Variants in USP19 observed in about 807,000 individuals in gnomAD.
USP19 encodes the protein ubiquitin specific peptidase 19.
Under a neutral mutation model 144.8 loss-of-function variants are expected in USP19, and 40 were observed. The observed-to-expected ratio is 0.28, with a 90% confidence interval of 0.21 to 0.36. The LOEUF is 0.36. Among genes scored for constraint, USP19 ranks in the 10% least tolerant of loss-of-function variants. The pLI is 1.00. For missense variants in USP19, 1,518 were observed against 1,822.5 expected, an observed-to-expected ratio of 0.83 and a Z score of 3.04; for synonymous variants, 701 against 709.3, an observed-to-expected ratio of 0.99 and a Z score of 0.19.
In USP19 at chr3:49,112,235, C is replaced by T. The variant is rs1378232742; in HGVS notation, c.2765+49G>A. ...GGTGTGAAGGGAAGGAGCAGGGTGG[C>T]ACATGGAAGGTGGAAAGAAAGGGTA... On this transcript the variant is annotated intron_variant, in intron 19 of 26. Coordinates refer to ENST00000417901, the MANE Select transcript of USP19 (RefSeq NM_001199161.2). The surrounding 1 kb of genome is among the most constrained non-coding windows in gnomAD (Gnocchi z 4.9). The T allele has an allele frequency of 1.7e-5, 27 of 1,568,658 alleles. No homozygotes were observed. The highest frequency in any genetic ancestry group is 2.2e-5 in the Non-Finnish European group (26 of 1,157,066).
chr3:49,111,530 G>A lies in USP19; in HGVS notation c.3187C>T (p.Pro1063Ser). 1 of 1,612,028 alleles carries A rather than the reference G, an allele frequency of 6.2e-7. No individual in the cohort carries two copies. ...GGTCGGGACACCCTCTCGCCAGCTGGCAAGGAGCCAACCTCAATGGGCCCA... is the reference window on the plus strand; with the variant it reads ...GGTCGGGACACCCTCTCGCCAGCTGACAAGGAGCCAACCTCAATGGGCCCA... ...ASGPIEVGSL[P>S]AGERVSRPEA... Residue 1063 changes from proline (P) to serine (S), a missense_variant, in exon 21 of 27, where the codon CCA becomes TCA. This residue lies in a region of USP19 where 413 missense variants were observed against 515.8 expected (regional missense o/e 0.80). Transcript: ENST00000417901. This position sits in a 1 kb window ranked among gnomAD's most constrained non-coding sequence, Gnocchi z 5.9.
chr3:49,108,653 G>T lies in USP19; in HGVS notation c.4039-125C>A. 1 of 1,281,786 alleles carries T rather than the reference G, an allele frequency of 7.8e-7. No individual in the cohort carries two copies. Among genetic ancestry groups the T allele is most frequent in the South Asian group, 2.5e-5 (1 of 40,206 alleles). The allele number at this position is 1,281,786 out of a possible 1,614,324, so 79.4% of individuals were successfully genotyped here. A position where few individuals can be genotyped will look rare whatever the true frequency, so the allele number is the denominator to read the frequency against. ...CAAGGCAGGCGCAGACAGCAGCGGC[G>T]TTGAGACAGAGAGACGAGATTGGGC... On this transcript the variant is annotated intron_variant, in intron 26 of 26. Coordinates refer to ENST00000417901, the MANE Select transcript of USP19 (RefSeq NM_001199161.2). This position sits in a 1 kb window ranked among gnomAD's most constrained non-coding sequence, Gnocchi z 4.8.
In USP19 at chr3:49,108,778, A is replaced by C. The variant is rs543648929; in HGVS notation, c.4039-250T>G. ...TCAGAGCAGCAGGATGAATGGACAG[A>C]CAGCCAGATGGATACACACCCTAGG... On this transcript the variant is annotated intron_variant, in intron 26 of 26. Transcript: ENST00000417901. This position sits in a 1 kb window ranked among gnomAD's most constrained non-coding sequence, Gnocchi z 4.8. The C allele has an allele frequency of 1.5e-4, 216 of 1,409,740 alleles. 1 individual carries two copies. The highest frequency in any genetic ancestry group is 3.7e-4 in the South Asian group (23 of 61,620). 87.3% of individuals were successfully genotyped at this position (1,409,740 alleles called of 1,614,324 possible). A position where few individuals can be genotyped will look rare whatever the true frequency, so the allele number is the denominator to read the frequency against.
Position 49,115,749 on chromosome 3 carries a change from G to A in USP19, c.1667C>T (p.Pro556Leu). 6.2e-7 allele frequency: 1 copy of A among 1,612,290 alleles called. No homozygotes were observed. The highest frequency in any genetic ancestry group is 8.5e-7 in the Non-Finnish European group (1 of 1,178,674). Residue 556 changes from proline to leucine, a missense_variant, in exon 11 of 27, where the codon CCA becomes CTA. Coordinates refer to ENST00000417901, the MANE Select transcript of USP19 (RefSeq NM_001199161.2). This position sits in a 1 kb window ranked among gnomAD's most constrained non-coding sequence, Gnocchi z 6.6. Reference protein sequence around the residue: ...ATRTPMEHVTPKPETHLASPK... With the variant: ...ATRTPMEHVTLKPETHLASPK... ...CGAGGCCAGGTGTGTCTCTGGCTTT[G>A]GGGTTACATGCTCCATGGGTGTGCG... is the stretch of plus-strand genomic sequence containing the variant.
chr3:49,109,197 G>A, intron 26 of USP19: 1 of 1,460,282 alleles, frequency 6.8e-7, no homozygotes, highest in Non-Finnish European at 9.0e-7. Flanking sequence ...TAGGGTATGT[G>A]GAAACGGCCA....
chr3:49,120,714 C>G (rs2045108094), intron 1 of USP19, 42 bp downstream of exon 1: 1 of 188,744 alleles, frequency 5.3e-6, no homozygotes, highest in Admixed American at 5.8e-5. Flanking sequence ...TGCGGCCTCC[C>G]CGCTGCGGCC....
chr3:49,109,220 G>T, intron 26 of USP19: 17 of 1,453,570 alleles, frequency 1.2e-5, no homozygotes, highest in Admixed American at 2.9e-5. Flanking sequence ...AGCACCCCGG[G>T]GGTGGGGAGG....
chr3:49,118,992 C>T lies in USP19; in HGVS notation c.124+30G>A, dbSNP rs1429167241. Reference sequence around the variant, plus strand: ...CCAATAAGATGGGAGGCAGAGAAGGCCACAATTACTCTGGGAATGCCACTC... The same window carrying T: ...CCAATAAGATGGGAGGCAGAGAAGGTCACAATTACTCTGGGAATGCCACTC... On this transcript the variant is annotated intron_variant, in intron 2 of 26. Coordinates refer to ENST00000417901, the MANE Select transcript of USP19 (RefSeq NM_001199161.2). 3.1e-6 allele frequency: 5 copies of T among 1,613,456 alleles called. No individual in the cohort carries two copies. The East Asian group carries it at 1.1e-4, about 36-fold the overall frequency.
chr3:49,108,498 C>A lies in USP19; in HGVS notation c.4069G>T (p.Ala1357Ser). Residue 1357 changes from alanine to serine, a missense_variant, in exon 27 of 27, where the codon GCC becomes TCC. By Grantham distance (99) the Ala-to-Ser change is moderately conservative. Coordinates refer to ENST00000417901, the MANE Select transcript of USP19 (RefSeq NM_001199161.2). This position sits in a 1 kb window ranked among gnomAD's most constrained non-coding sequence, Gnocchi z 4.8. ...GLGPGQAPEV[A>S]PTRTAPERFA... The stretch of plus-strand genomic sequence containing the variant: ...CGTTCAGGGGCTGTCCGCGTGGGGG[C>A]CACCTCGGGGGCCTGGCCAGGGCCT... 1 of 1,257,752 alleles carries A rather than the reference C, an allele frequency of 8.0e-7. No individual in the cohort carries two copies. The highest frequency in any genetic ancestry group is 1.0e-6 in the Non-Finnish European group (1 of 974,918). 77.9% of individuals were successfully genotyped at this position (1,257,752 alleles called of 1,614,324 possible). A position where few individuals can be genotyped will look rare whatever the true frequency, so the allele number is the denominator to read the frequency against.
chr3:49,119,863 T>C (rs1010851748), intron 1 of USP19, among the ~76,000 whole-genome samples: 8 of 152,126 alleles, frequency 5.3e-5, no homozygotes, highest in Admixed American at 5.2e-4. Context: ...TTGGTCCTTC[T>C]TCATTTCAAG....
chr3:49,116,350 C>A lies in USP19; in HGVS notation c.1285G>T (p.Asp429Tyr), dbSNP rs1308581613. 9.3e-6 allele frequency: 15 copies of A among 1,614,062 alleles called. No homozygotes were observed. The highest frequency in any genetic ancestry group is 1.3e-5 in the Non-Finnish European group (15 of 1,180,026). ...GGGTGCAGCCTCAGGAAGTTTCCAT[C>A]CCTGCAGAGGCACAGCAGGATAGGA... ...QDFTLIFQTRDGNFLRLHPGC... is the reference protein window; with the variant it reads ...QDFTLIFQTRYGNFLRLHPGC... Residue 429 changes from aspartate (D) to tyrosine (Y), a missense_variant and splice_region_variant, in exon 9 of 27, where the codon GAT (aspartate) becomes TAT (tyrosine). This residue lies in a region of USP19 where 707 missense variants were observed against 728.9 expected (regional missense o/e 0.97). Transcript: ENST00000417901. This position sits in a 1 kb window ranked among gnomAD's most constrained non-coding sequence, Gnocchi z 5.0.
In USP19 at chr3:49,114,563, T is replaced by C. The variant is rs893574235; in HGVS notation, c.2292+200A>G. On this transcript the variant is annotated intron_variant, in intron 15 of 26. Coordinates refer to ENST00000417901, the MANE Select transcript of USP19 (RefSeq NM_001199161.2). The surrounding 1 kb of genome is among the most constrained non-coding windows in gnomAD (Gnocchi z 4.5). The stretch of plus-strand genomic sequence containing the variant: ...CAACCCTGCTACAACACCTTTGAGC[T>C]CTAACATCACTTTTCCCTCAGTCAG... Among the ~76,000 whole-genome samples, 2 of 152,210 alleles carry C rather than the reference T, an allele frequency of 1.3e-5. No homozygotes were observed. Among genetic ancestry groups the C allele is most frequent in the South Asian group, 2.1e-4 (1 of 4,830 alleles).
Position 49,119,285 on chromosome 3 carries a change from A to G in USP19, c.-136-4T>C, listed in dbSNP as rs966859089. ...TCTCCAGCAAGGAACGGACAGCCTAATGGAAAGAAGCCAGTGATCACTGCC... is the reference window on the plus strand; with the variant it reads ...TCTCCAGCAAGGAACGGACAGCCTAGTGGAAAGAAGCCAGTGATCACTGCC... On this transcript the variant is annotated splice_polypyrimidine_tract_variant and splice_region_variant and intron_variant, in intron 1 of 26. Transcript: ENST00000417901. 7.4e-6 allele frequency: 9 copies of G among 1,213,752 alleles called. No individual in the cohort carries two copies. The highest frequency in any genetic ancestry group is 1.5e-5 in the African/African-American group (1 of 65,544). 75.2% of individuals were successfully genotyped at this position (1,213,752 alleles called of 1,614,324 possible).
rs1372220012 is a variant in USP19 at position 49,110,979 on chromosome 3, C to T, written c.3516G>A (p.Arg1172=). The T allele has an allele frequency of 6.2e-7, 1 of 1,614,070 alleles. No individual in the cohort carries two copies. The change falls in exon 23 of 27, where the codon CGG becomes CGA. Residue 1172 remains arginine (R), a synonymous_variant. Transcript: ENST00000417901. The surrounding 1 kb of genome is among the most constrained non-coding windows in gnomAD (Gnocchi z 6.1). The part of the protein sequence containing the change: ...TLDQCLNLFT[R]PEVLAPEEAW... ...CCTCCTCGGGTGCCAGCACCTCAGGCCGTGTGAAGAGGTTGAGGCACTGGT... is the reference window on the plus strand; with the variant it reads ...CCTCCTCGGGTGCCAGCACCTCAGGTCGTGTGAAGAGGTTGAGGCACTGGT...
intron 26 of USP19, chr3:49,109,024 C>A (rs767717991): frequency 6.2e-7 from 1 of 1,613,674 alleles, no homozygotes; most frequent in Admixed American, 1.7e-5. Context: ...CCAAAGCCGC[C>A]ACGGTGCCCA....
Position 49,116,115 on chromosome 3 carries a change from C to T in USP19, c.1403G>A (p.Arg468His), listed in dbSNP as rs1443988231. ...EQCTFCFTAS[R>H]IDICLRKRQS... is the part of the protein sequence containing the mutation. ...CCTCTTACGAAGGCAGATGTCGATG[C>T]GAGAAGCCGTGAAACAGAAGGTGCA... The change falls in exon 10 of 27, where the codon CGC becomes CAC. Residue 468 changes from arginine to histidine, a missense_variant. By Grantham distance (29) the Arg-to-His change is conservative. Transcript: ENST00000417901. The surrounding 1 kb of genome is among the most constrained non-coding windows in gnomAD (Gnocchi z 5.0). 3.7e-6 allele frequency: 6 copies of T among 1,613,166 alleles called. No individual in the cohort carries two copies. The highest frequency in any genetic ancestry group is 2.2e-5 in the East Asian group (1 of 44,878).
In USP19 at chr3:49,116,927, T is replaced by A. The variant is rs1185406639; in HGVS notation, c.926A>T (p.Gln309Leu). Residue 309 changes from glutamine to leucine, a missense_variant, in exon 7 of 27, where the codon CAG becomes CTG. By Grantham distance (113) the Gln-to-Leu change is moderately radical. This residue lies in a region of USP19 where 707 missense variants were observed against 728.9 expected (regional missense o/e 0.97). Transcript: ENST00000417901. The surrounding 1 kb of genome is among the most constrained non-coding windows in gnomAD (Gnocchi z 5.0). ...GGAGTTCAGCGGTGGTATGCAAAGC[T>A]GTTCATCAGCCTCAACCTATTAATG... ...DPATQVEADEQLCIPPLNSQT... is the reference protein window; with the variant it reads ...DPATQVEADELLCIPPLNSQT... The A allele has an allele frequency of 1.2e-6, 2 of 1,613,746 alleles. No individual in the cohort carries two copies. Among genetic ancestry groups the A allele is most frequent in the Non-Finnish European group, 1.7e-6 (2 of 1,179,916 alleles).
In USP19 at chr3:49,111,116, G is replaced by T; in HGVS notation, c.3379C>A (p.Arg1127=). 1 of 1,613,720 alleles carries T rather than the reference G, an allele frequency of 6.2e-7. No individual in the cohort carries two copies. Among genetic ancestry groups the T allele is most frequent in the Non-Finnish European group, 8.5e-7 (1 of 1,180,032 alleles). The change falls in exon 23 of 27, where the codon CGG becomes AGG. Residue 1127 remains arginine (R), a synonymous_variant. Coordinates refer to ENST00000417901, the MANE Select transcript of USP19 (RefSeq NM_001199161.2). This position sits in a 1 kb window ranked among gnomAD's most constrained non-coding sequence, Gnocchi z 5.9. ...GDDCSLALVW[R]NNERLQEFVL... is the part of the protein sequence containing the mutation. ...AACTCCTGCAAGCGCTCATTGTTCC[G>T]CCAGACGAGAGCCAGGCTACAGTCG...
chr3:49,118,901 C>G (rs915347073), intron 2 of USP19, 121 bp downstream of exon 2: 6 of 1,462,234 alleles, frequency 4.1e-6, no homozygotes, highest in African/African-American at 2.8e-5. Context: ...GGTCCTTCTT[C>G]TCTCATCATC....
Sources: allele counts gnomAD v4.1 joint callset (sites outside exome capture counted in the v4.1 genomes callset), GRCh38; gene constraint gnomAD v4.1.1; regional missense constraint gnomAD v4.1.1; non-coding constraint Gnocchi (gnomAD v3.1); transcripts MANE v1.5; gene names NCBI Gene and HGNC (gene_info 2026-07-23, HGNC 2026-07-21).